AFF2: variants seen among roughly 807,000 people sequenced by gnomAD.
AFF2 encodes AF4/FMR2 family member 2.
A neutral mutation model predicts 76.9 loss-of-function variants in AFF2; 14 were observed. The ratio of observed to expected loss-of-function variants is 0.18; its 90% CI spans 0.12 to 0.28. The LOEUF (loss-of-function observed/expected upper bound fraction) is 0.28. Among genes scored for constraint, AFF2 ranks in the 10% least tolerant of loss-of-function variants. AFF2 has a pLI of 1.00. For synonymous variants in AFF2, 398 were observed against 366.7 expected (o/e 1.09, Z -0.98); for missense variants, 868 against 1,001.1 (o/e 0.87, Z 1.79).
chrX:148,685,722 C>A (rs1444016017), intron 3 of AFF2, among the ~76,000 whole-genome samples: 1 of 110,747 alleles, frequency 9.0e-6, no homozygotes, highest in East Asian at 2.8e-4. Flanking sequence ...TCAGAATTTC[C>A]AAATATCTCC....
rs782757476 is a variant in AFF2 at position 148,995,305 on chromosome X, G to T, written c.*3973G>T. On this transcript the variant is annotated 3_prime_UTR_variant, in exon 21 of 21. Transcript: ENST00000370460. ...TGGCAGGAGACTAATCAGATAGGCC[G>T]GTCTCAGACATTAATCCTACCATCT... The T allele has an allele frequency of 9.0e-6, 1 of 110,605 alleles. No individual in the cohort carries two copies. The highest frequency in any genetic ancestry group is 2.9e-4 in the East Asian group (1 of 3,496). The allele number at this position is 110,605 out of a possible 1,213,427, so 9.1% of individuals were successfully genotyped here.
In AFF2 at chrX:148,956,053, C is replaced by T. The variant is rs782763749; in HGVS notation, c.2008C>T (p.Arg670Cys). The stretch of plus-strand genomic sequence containing the variant: ...GGAGCTTCATGACCCACCAAGAGGC[C>T]GCAACAAAGCCACTGCCCACAAACC... ...SVELHDPPRG[R>C]NKATAHKPAP... The change falls in exon 11 of 21, where the codon CGC becomes TGC. Residue 670 changes from arginine (R) to cysteine (C), a missense_variant. Coordinates refer to ENST00000370460, the MANE Select transcript of AFF2 (RefSeq NM_002025.4). 6.6e-6 allele frequency: 8 copies of T among 1,208,502 alleles called. No homozygotes were observed. In the South Asian group the frequency reaches 7.1e-5, roughly 11 times the overall value.
At chrX:148,935,109 C>T (rs2071758062) in intron 9 of AFF2, among the ~76,000 whole-genome samples, 1 of 109,072 alleles carries the variant, frequency 9.2e-6, no homozygotes, top group African/African-American at 3.3e-5. Flanking sequence ...AAAGTCATGG[C>T]ACACATTAAG....
intron 9 of AFF2, among the ~76,000 whole-genome samples, chrX:148,928,637 G>A (rs1316320610): frequency 1.8e-5 from 2 of 111,829 alleles, no homozygotes; most frequent in Admixed American, 9.4e-5. Context: ...GCCCTGCTTT[G>A]GGGAGCCCAT....
intron 1 of AFF2, 32 bp downstream of exon 1, chrX:148,501,176 G>T: frequency 8.3e-7 from 1 of 1,207,028 alleles, no homozygotes; most frequent in South Asian, 1.8e-5. Flanking sequence ...CTCCTTTGAT[G>T]AGCGAGTCTC....
chrX:148,838,352 T>C (rs1168267040), intron 5 of AFF2, among the ~76,000 whole-genome samples: 1 of 112,263 alleles, frequency 8.9e-6, no homozygotes, highest in Non-Finnish European at 1.9e-5. Context: ...CTTCCATCCA[T>C]TTATTCAGAA....
At chrX:148,526,448 C>G (rs148337143) in intron 1 of AFF2, among the ~76,000 whole-genome samples, 2,266 of 103,062 alleles carry the variant, frequency 0.022, 28 homozygotes, top group Non-Finnish European at 0.035. Context: ...CTCCTATGTC[C>G]TTTTGATTAT....
intron 1 of AFF2, among the ~76,000 whole-genome samples, chrX:148,558,318 G>T (rs1290786465): frequency 9.0e-6 from 1 of 111,451 alleles, no homozygotes; most frequent in Non-Finnish European, 1.9e-5. Flanking sequence ...AACAAATGAT[G>T]CCATAAATCC....
chrX:148,697,517 A>T (rs2054734563), intron 3 of AFF2, among the ~76,000 whole-genome samples: 1 of 110,939 alleles, frequency 9.0e-6, no homozygotes. Context: ...TACCAATCCG[A>T]TCTCCTCAGG....
intron 9 of AFF2, among the ~76,000 whole-genome samples, chrX:148,907,780 A>G (rs888574068): frequency 4.4e-4 from 49 of 111,528 alleles, no homozygotes; most frequent in Admixed American, 1.4e-3. Flanking sequence ...TCTTATCAGG[A>G]GACAGGGTTT....
At chrX:148,773,685 G>GGAAAGAAAGAAAGAAGGAAAGAAAGAAA (rs2069621552) in intron 3 of AFF2, among the ~76,000 whole-genome samples, 3 of 51,442 alleles carry the variant, frequency 5.8e-5, no homozygotes, top group Admixed American at 2.8e-4. Flanking sequence ...AAGGAAGGAA[G>GGAAAGAAAGAAAGAAGGAAAGAAAGAAA]GAAAGAAAGA....
intron 10 of AFF2, among the ~76,000 whole-genome samples, chrX:148,954,940 A>C (rs1408806010): frequency 8.9e-6 from 1 of 112,732 alleles, no homozygotes; most frequent in African/African-American, 3.2e-5. Flanking sequence ...GGACCCGAAT[A>C]GTATGTATCA....
intron 16 of AFF2, among the ~76,000 whole-genome samples, chrX:148,976,799 G>A (rs924102071): frequency 1.2e-4 from 13 of 112,602 alleles, no homozygotes; most frequent in Non-Finnish European, 2.4e-4. Flanking sequence ...TGATCCAACT[G>A]TCAAAGAAAG....
chrX:148,712,531 T>C (rs1273471176), intron 3 of AFF2, among the ~76,000 whole-genome samples: 1 of 111,892 alleles, frequency 8.9e-6, no homozygotes, highest in East Asian at 2.8e-4. Flanking sequence ...AATCCTTCCC[T>C]GAAAGATGGG....
intron 3 of AFF2, among the ~76,000 whole-genome samples, chrX:148,682,838 T>G (rs782818792): frequency 8.9e-6 from 1 of 112,238 alleles, no homozygotes; most frequent in Non-Finnish European, 1.9e-5. Context: ...TTTCTTGTAC[T>G]GAGAAATTCC....
intron 1 of AFF2, among the ~76,000 whole-genome samples, chrX:148,630,818 G>A (rs2053972359): frequency 8.9e-6 from 1 of 112,074 alleles, no homozygotes; most frequent in Non-Finnish European, 1.9e-5. Context: ...GGTTCAGCCT[G>A]ACCTGTTCTT....
chrX:148,588,060 G>A (rs16994638), intron 1 of AFF2, among the ~76,000 whole-genome samples: 7,184 of 111,928 alleles, frequency 0.064, 515 homozygotes, highest in African/African-American at 0.21. Flanking sequence ...CTTCAATGCC[G>A]TTAGTGGATT....
At chrX:148,965,188 C>T (rs2072156867) in intron 13 of AFF2, among the ~76,000 whole-genome samples, 1 of 111,785 alleles carries the variant, frequency 8.9e-6, no homozygotes, top group African/African-American at 3.2e-5. Flanking sequence ...AGCCAGGAGA[C>T]TCTTTGTTAG....
intron 3 of AFF2, among the ~76,000 whole-genome samples, chrX:148,741,837 G>A (rs951848694): frequency 1.4e-4 from 16 of 111,538 alleles, no homozygotes; most frequent in African/African-American, 5.2e-4. Context: ...CTCTACCCCT[G>A]TATTTCACTT....
Sources: gnomAD v4.1 joint callset for allele counts (sites outside exome capture counted in the v4.1 genomes callset) on GRCh38, gnomAD v4.1.1 for gene constraint, MANE v1.5 for transcripts, NCBI Gene and HGNC (gene_info 2026-07-23, HGNC 2026-07-21) for gene names.